Variants in THSD7A observed in about 807,000 individuals in gnomAD.
THSD7A encodes thrombospondin type-1 domain-containing protein 7A.
In THSD7A, 96 loss-of-function variants were observed where a neutral mutation model predicts 231.3. That is an observed-to-expected ratio of 0.41 (90% CI 0.35 to 0.49). THSD7A has a LOEUF of 0.49. THSD7A is among the 20% of genes least tolerant of loss of function. The pLI is 0.05. For synonymous variants in THSD7A, 940 were observed against 743.3 expected, an observed-to-expected ratio of 1.26 and a Z score of -4.30; for missense variants, 2,290 against 2,070.2, an observed-to-expected ratio of 1.11 and a Z score of -2.06.
At chr7:11,706,630 C>CTTTGTTTTTTTTTTTTTTTTTT (rs1780776567) in intron 1 of THSD7A, among the ~76,000 whole-genome samples, 1 of 66,420 alleles carries the variant, frequency 1.5e-5, no homozygotes, top group Non-Finnish European at 2.7e-5. Flanking sequence ...TAACAAGGTG[C>CTTTGTTTTTTTTTTTTTTTTTT]TTTTTTTTTT....
Position 11,590,358 on chromosome 7 carries a change from G to T in THSD7A, c.1453+102C>A. 1.7e-6 allele frequency: 2 copies of T among 1,188,336 alleles called. No homozygotes were observed. The highest frequency in any genetic ancestry group is 1.2e-6 in the Non-Finnish European group (1 of 859,152). 73.6% of individuals were successfully genotyped at this position (1,188,336 alleles called of 1,614,324 possible). A position where few individuals can be genotyped will look rare whatever the true frequency, so the allele number is the denominator to read the frequency against. ...TACCAACCACAATGTGAACAGAAAT[G>T]CAGCCCTCATAACCTGGATGGCTGT... On this transcript the variant is annotated intron_variant, in intron 4 of 27. Coordinates refer to ENST00000423059, the MANE Select transcript of THSD7A (RefSeq NM_015204.3). The surrounding 1 kb of genome is among the most constrained non-coding windows in gnomAD (Gnocchi z 4.4).
At chr7:11,677,520 A>G (rs537390200) in intron 1 of THSD7A, among the ~76,000 whole-genome samples, 2 of 146,692 alleles carry the variant, frequency 1.4e-5, no homozygotes, top group African/African-American at 2.5e-5. Context: ...CCCATCTTAC[A>G]TGCAAAGACA....
At chr7:11,633,189 C>A (rs1781715858) in intron 2 of THSD7A, among the ~76,000 whole-genome samples, 3 of 152,084 alleles carry the variant, frequency 2.0e-5, no homozygotes, top group Admixed American at 2.0e-4. Flanking sequence ...TTTCCTTTAA[C>A]ATCTTTGGTT....
chr7:11,507,005 ATC>A lies in THSD7A; in HGVS notation c.1823-25025_1823-25024del, dbSNP rs1274949822. Among the ~76,000 whole-genome samples, 8 of 152,080 alleles carry A rather than the reference ATC, an allele frequency of 5.3e-5. No homozygotes were observed. The East Asian group carries it at 1.4e-3, about 26-fold the overall frequency. ...ACCAGGTCAGGGGTACTGTCTGTTC[ATC>A]TCTCATTGCTGTAGGCCTAGTGATT... On this transcript the variant is annotated intron_variant, in intron 6 of 27. Coordinates refer to ENST00000423059, the MANE Select transcript of THSD7A (RefSeq NM_015204.3).
chr7:11,505,183 T>C (rs1449060219), intron 6 of THSD7A, among the ~76,000 whole-genome samples: 11 of 152,180 alleles, frequency 7.2e-5, no homozygotes, highest in Non-Finnish European at 7.4e-5. Flanking sequence ...AAGGAAAATC[T>C]GGATATTCTA....
At chr7:11,675,636 A>T (rs1160455452) in intron 1 of THSD7A, among the ~76,000 whole-genome samples, 1 of 152,162 alleles carries the variant, frequency 6.6e-6, no homozygotes, top group Non-Finnish European at 1.5e-5. Flanking sequence ...CACAGTGTAA[A>T]AAAAGCAGCC....
intron 1 of THSD7A, among the ~76,000 whole-genome samples, chr7:11,830,937 T>A (rs1785173762): frequency 6.6e-6 from 1 of 152,144 alleles, no homozygotes; most frequent in African/African-American, 2.4e-5. Context: ...AAGTTTCAGG[T>A]CCCCTAAGGA....
chr7:11,666,270 C>G (rs982373447), intron 1 of THSD7A, among the ~76,000 whole-genome samples: 1 of 151,818 alleles, frequency 6.6e-6, no homozygotes, highest in African/African-American at 2.4e-5. Flanking sequence ...GAACCCATGT[C>G]TAAACATGAA....
At chr7:11,426,833 A>G (rs1784336588) in intron 14 of THSD7A, among the ~76,000 whole-genome samples, 162 bp from the exon 15 acceptor site, 1 of 152,178 alleles carries the variant, frequency 6.6e-6, no homozygotes, top group South Asian at 2.1e-4. Flanking sequence ...CTTAGGTCTC[A>G]GGAGATAATA....
intron 1 of THSD7A, among the ~76,000 whole-genome samples, chr7:11,787,194 A>G (rs1375093608): frequency 6.6e-6 from 1 of 152,098 alleles, no homozygotes; most frequent in Non-Finnish European, 1.5e-5. Flanking sequence ...TGTTGGAACA[A>G]CTGGACTTTC....
At chr7:11,600,273 T>C (rs568034228) in intron 2 of THSD7A, among the ~76,000 whole-genome samples, 1 of 152,282 alleles carries the variant, frequency 6.6e-6, no homozygotes, top group East Asian at 1.9e-4. Context: ...TAATGTATGC[T>C]TATTCAAGTA....
At chr7:11,408,762 T>C (rs952198437) in intron 19 of THSD7A, among the ~76,000 whole-genome samples, 4 of 152,154 alleles carry the variant, frequency 2.6e-5, no homozygotes, top group African/African-American at 9.7e-5. Context: ...CTTTGTGTAA[T>C]ACATCTCTCT....
At chr7:11,781,880 G>C (rs1435848787) in intron 1 of THSD7A, among the ~76,000 whole-genome samples, 1 of 152,052 alleles carries the variant, frequency 6.6e-6, no homozygotes, top group African/African-American at 2.4e-5. Context: ...ATGTAGACCA[G>C]GGTTTCCTGA....
At chr7:11,541,665 C>G in intron 5 of THSD7A, 34 bp from the exon 6 acceptor site, 14 of 1,580,366 alleles carry the variant, frequency 8.9e-6, no homozygotes, top group African/African-American at 1.3e-5. Flanking sequence ...TCTATTGTTA[C>G]TATCAAAGGT....
chr7:11,531,596 C>T (rs1754072479), intron 6 of THSD7A, among the ~76,000 whole-genome samples: 1 of 152,174 alleles, frequency 6.6e-6, no homozygotes, highest in African/African-American at 2.4e-5. Flanking sequence ...CTCAAATTCG[C>T]ATAGGGCTTA....
At chr7:11,714,354 T>C (rs899883807) in intron 1 of THSD7A, among the ~76,000 whole-genome samples, 2 of 151,226 alleles carry the variant, frequency 1.3e-5, no homozygotes, top group Non-Finnish European at 3.0e-5. Context: ...TTAAAGTGTG[T>C]GCTCTGTGCC....
chr7:11,455,262 T>C (rs1785269943), intron 11 of THSD7A, among the ~76,000 whole-genome samples: 2 of 152,160 alleles, frequency 1.3e-5, no homozygotes, highest in South Asian at 2.1e-4. Flanking sequence ...CTGTGAGAAA[T>C]AAATTTTTGT....
In THSD7A at chr7:11,372,427, T is replaced by C. The variant is rs917426348; in HGVS notation, c.*3367A>G. The C allele has an allele frequency of 3.9e-5, 6 of 151,942 alleles. No individual in the cohort carries two copies. Among genetic ancestry groups the C allele is most frequent in the Non-Finnish European group, 7.4e-5 (5 of 67,956 alleles). 9.4% of individuals were successfully genotyped at this position (151,942 alleles called of 1,614,324 possible). ...GAAGTAATTTGTGCTTTGTTATAAGTAATTAAAAACAAGCTTTTATGCACT... is the reference window on the plus strand; with the variant it reads ...GAAGTAATTTGTGCTTTGTTATAAGCAATTAAAAACAAGCTTTTATGCACT... On this transcript the variant is annotated 3_prime_UTR_variant, in exon 28 of 28. Coordinates refer to ENST00000423059, the MANE Select transcript of THSD7A (RefSeq NM_015204.3).
At chr7:11,603,412 A>G (rs576661394) in intron 2 of THSD7A, among the ~76,000 whole-genome samples, 1,535 of 152,222 alleles carry the variant, frequency 0.01, 13 homozygotes, top group Non-Finnish European at 0.018. Context: ...AAATAGGCAC[A>G]CTTTTACACT....
Sources: gnomAD v4.1 joint callset for allele counts (sites outside exome capture counted in the v4.1 genomes callset) on GRCh38, gnomAD v4.1.1 for gene constraint, Gnocchi (gnomAD v3.1) non-coding constraint, MANE v1.5 for transcripts, NCBI Gene and HGNC (gene_info 2026-07-23, HGNC 2026-07-21) for gene names.